The following ARHGAP22 variants were observed in gnomAD, a reference collection of about 807,000 sequenced individuals.
The protein encoded by ARHGAP22 is rho GTPase-activating protein 22.
ARHGAP22 carries 48 observed loss-of-function variants against 59.1 expected under a neutral mutation model. The ratio of observed to expected loss-of-function variants is 0.81; its 90% CI spans 0.64 to 1.03. The LOEUF is 1.03. ARHGAP22 is among the 50% of genes least tolerant of loss of function. The pLI is 0.00. For synonymous variants in ARHGAP22, 445 were observed against 416.4 expected (o/e 1.07, Z -0.84); for missense variants, 1,015 against 958.7 (o/e 1.06, Z -0.78).
intron 1 of ARHGAP22, among the ~76,000 whole-genome samples, chr10:48,584,918 C>T (rs181226197): frequency 6.1e-4 from 91 of 150,330 alleles, no homozygotes; most frequent in African/African-American, 1.7e-3. Context: ...GGCCTGAATC[C>T]GGGAGGCGGA....
chr10:48,526,659 T>A (rs919388864), intron 3 of ARHGAP22, among the ~76,000 whole-genome samples: 14 of 152,188 alleles, frequency 9.2e-5, no homozygotes. Context: ...AAGTCCTACA[T>A]TTGGAAAGCA....
At chr10:48,554,799 A>G (rs1590147621) in intron 3 of ARHGAP22, among the ~76,000 whole-genome samples, 1 of 152,098 alleles carries the variant, frequency 6.6e-6, no homozygotes, top group East Asian at 1.9e-4. Flanking sequence ...ACTCACTAGC[A>G]TGTCTGGGCT....
chr10:48,476,431 G>A (rs993352934), intron 4 of ARHGAP22, among the ~76,000 whole-genome samples: 28 of 152,322 alleles, frequency 1.8e-4, no homozygotes, highest in Admixed American at 1.8e-3. Context: ...GGGCTCAGGG[G>A]CTCTGTTACA....
At chr10:48,434,915 A>G in the ARHGAP22 span, 3 of 1,613,624 alleles carry the variant, frequency 1.9e-6, no homozygotes, top group South Asian at 1.1e-5. Flanking sequence ...CTCAGCATCC[A>G]TCATCATCGT....
intron 3 of ARHGAP22, chr10:48,493,540 C>G (rs2134254535): frequency 6.6e-7 from 1 of 1,526,576 alleles, no homozygotes; most frequent in East Asian, 2.5e-5. Flanking sequence ...CCAGACACAC[C>G]TGTTGGGGTG....
the ARHGAP22 span, among the ~76,000 whole-genome samples, chr10:48,432,376 G>C: frequency 6.6e-6 from 1 of 152,038 alleles, no homozygotes; most frequent in East Asian, 1.9e-4. Flanking sequence ...ATATATTTTA[G>C]AGTTGTATAT....
rs143698771 is a variant in ARHGAP22 at position 48,495,698 on chromosome 10, T to G, written c.323-15934A>C. Among the ~76,000 whole-genome samples the G allele has an allele frequency of 4.6e-5, 7 of 152,292 alleles. No individual in the cohort carries two copies. In the East Asian group the frequency reaches 1.4e-3, roughly 29 times the overall value. Reference sequence around the variant, plus strand: ...CCTCGTGAAGGTGGGCAGGACCTAATAACTTGCTTTTAATGAATAGAATGT... The same window carrying G: ...CCTCGTGAAGGTGGGCAGGACCTAAGAACTTGCTTTTAATGAATAGAATGT... On this transcript the variant is annotated intron_variant, in intron 3 of 9. Transcript: ENST00000249601.
intron 3 of ARHGAP22, among the ~76,000 whole-genome samples, chr10:48,520,761 G>C (rs1165503511): frequency 6.6e-6 from 1 of 152,108 alleles, no homozygotes; most frequent in Admixed American, 6.5e-5. Context: ...AGGAAGAGCT[G>C]CTGCTGCTGA....
At chr10:48,451,927 G>A (rs183164289) in intron 8 of ARHGAP22, among the ~76,000 whole-genome samples, 198 of 135,094 alleles carry the variant, frequency 1.5e-3, no homozygotes, top group African/African-American at 5.3e-3. Flanking sequence ...ATACAGAATC[G>A]CACAATGAAC....
At chr10:48,524,028 G>A in intron 3 of ARHGAP22, 1 of 1,470,572 alleles carries the variant, frequency 6.8e-7, no homozygotes, top group Non-Finnish European at 9.0e-7. Flanking sequence ...GCAGGGAGCG[G>A]GGCGCACGTG....
chr10:48,430,732 A>G, the ARHGAP22 span: 1 of 156,612 alleles, frequency 6.4e-6, no homozygotes, highest in Non-Finnish European at 1.4e-5. Flanking sequence ...AAGCTTTTGC[A>G]CACTCTAATT....
chr10:48,520,534 G>C (rs1055405047), intron 3 of ARHGAP22, among the ~76,000 whole-genome samples: 4 of 152,200 alleles, frequency 2.6e-5, no homozygotes. Context: ...TCAGGGCTGG[G>C]CACACTGTTC....
chr10:48,551,154 G>A (rs1374355782), intron 3 of ARHGAP22, among the ~76,000 whole-genome samples: 1 of 152,204 alleles, frequency 6.6e-6, no homozygotes, highest in Non-Finnish European at 1.5e-5. Flanking sequence ...CCTCCCTGGT[G>A]GACGGTGTTG....
chr10:48,579,387 C>A (rs986647590), intron 2 of ARHGAP22, among the ~76,000 whole-genome samples: 2 of 152,168 alleles, frequency 1.3e-5, no homozygotes, highest in African/African-American at 2.4e-5. Context: ...GTTTAAAAAA[C>A]CTGGAAGCCT....
chr10:48,438,210 G>A, the ARHGAP22 span: 2 of 152,190 alleles, frequency 1.3e-5, no homozygotes, highest in Admixed American at 1.3e-4. Flanking sequence ...CTTACCAGTA[G>A]GTAAACCAAA....
At chr10:48,500,756 T>C (rs2051426068) in intron 3 of ARHGAP22, among the ~76,000 whole-genome samples, 1 of 151,970 alleles carries the variant, frequency 6.6e-6, no homozygotes, top group Non-Finnish European at 1.5e-5. Context: ...CTGGGCGTGG[T>C]GGCGGGCACC....
At chr10:48,654,607 T>C (rs4373841), upstream of ARHGAP22, among the ~76,000 whole-genome samples, 99,091 of 151,816 alleles carry the variant, frequency 0.65, 32,541 homozygotes, top group Admixed American at 0.68. Flanking sequence ...GAGAAGGGGT[T>C]CAAAATACAG....
intron 3 of ARHGAP22, among the ~76,000 whole-genome samples, chr10:48,548,172 C>T (rs1312821991): frequency 6.6e-6 from 1 of 152,176 alleles, no homozygotes; most frequent in African/African-American, 2.4e-5. Flanking sequence ...GAGTACCACC[C>T]GCTCGCCCCT....
chr10:48,483,773 C>T (rs2049576903), intron 3 of ARHGAP22, among the ~76,000 whole-genome samples: 1 of 152,142 alleles, frequency 6.6e-6, no homozygotes, highest in Non-Finnish European at 1.5e-5. Flanking sequence ...TCTGGATATT[C>T]GTTTCTTGTC....
Sources: allele counts gnomAD v4.1 joint callset (sites outside exome capture counted in the v4.1 genomes callset), GRCh38; gene constraint gnomAD v4.1.1; transcripts MANE v1.5; gene names NCBI Gene and HGNC (gene_info 2026-07-23, HGNC 2026-07-21).